Variants in P3H2 observed in about 807,000 individuals in gnomAD.
The protein encoded by P3H2 is prolyl 3-hydroxylase 2, also known as leprecan-like 1.
Under a neutral mutation model 87.0 loss-of-function variants are expected in P3H2, and 80 were observed. The ratio of observed to expected loss-of-function variants is 0.92; its 90% confidence interval spans 0.77 to 1.11. The LOEUF (loss-of-function observed/expected upper bound fraction) is 1.11, where lower values mean the gene tolerates loss of function less well. Among genes scored for constraint, P3H2 ranks in the 50% least tolerant of loss-of-function variants. The probability of loss-of-function intolerance (pLI) is 0.00; values close to 1 mark genes in which losing one functional copy is unlikely to be tolerated. For synonymous variants in P3H2, 367 were observed against 359.3 expected (o/e 1.02, Z -0.24); for missense variants, 1,001 against 923.9 (o/e 1.08, Z -1.08).
At chr3:190,104,458 A>G (rs920145210) in intron 1 of P3H2, among the ~76,000 whole-genome samples, 2 of 152,130 alleles carry the variant, frequency 1.3e-5, no homozygotes, top group Non-Finnish European at 2.9e-5. Flanking sequence ...GGGATTATTT[A>G]AATATTATTA....
chr3:190,031,286 G>A (rs183887188), intron 1 of P3H2, among the ~76,000 whole-genome samples: 11 of 152,094 alleles, frequency 7.2e-5, no homozygotes, highest in Admixed American at 7.2e-4. Flanking sequence ...AGAAAAATAA[G>A]ACCAAAATAA....
At chr3:190,091,762 T>C (rs1727415668) in intron 1 of P3H2, among the ~76,000 whole-genome samples, 1 of 152,220 alleles carries the variant, frequency 6.6e-6, no homozygotes, top group Non-Finnish European at 1.5e-5. Flanking sequence ...AGATGCCATA[T>C]TTGTTTCTTT....
chr3:190,103,778 C>T (rs1711725393), intron 1 of P3H2, among the ~76,000 whole-genome samples: 1 of 151,994 alleles, frequency 6.6e-6, no homozygotes, highest in South Asian at 2.1e-4. Flanking sequence ...TTTTATTCAA[C>T]ATTAGAAAAG....
chr3:190,010,272 G>C (rs544260488), intron 1 of P3H2, among the ~76,000 whole-genome samples: 1 of 152,164 alleles, frequency 6.6e-6, no homozygotes, highest in East Asian at 1.9e-4. Context: ...AATAATAGTT[G>C]CCACTATTAT....
chr3:189,983,994 T>C (rs1366449044), intron 7 of P3H2, among the ~76,000 whole-genome samples: 3 of 152,046 alleles, frequency 2.0e-5, no homozygotes, highest in Non-Finnish European at 4.4e-5. Flanking sequence ...AGTTAATGGG[T>C]GCAGCACACC....
chr3:189,971,975 G>T lies in P3H2; in HGVS notation c.1732C>A (p.Pro578Thr). 5 of 1,613,184 alleles carry T rather than the reference G, an allele frequency of 3.1e-6. No individual in the cohort carries two copies. Among genetic ancestry groups the T allele is most frequent in the Non-Finnish European group, 4.2e-6 (5 of 1,179,110 alleles). The change falls in exon 12 of 15, where the codon CCC (proline) becomes ACC (threonine). Residue 578 changes from proline to threonine, a missense_variant. By Grantham distance (38) the Pro-to-Thr change is conservative (BLOSUM62 -1). Transcript: ENST00000319332. ...QQDRRNDLSHPIHADNCLLDP... is the reference protein window; with the variant it reads ...QQDRRNDLSHTIHADNCLLDP... ...AACAAACAGTTGTCAGCATGGATGG[G>T]ATGACTGAGGTCATTTCTTCTATCC... is the stretch of plus-strand genomic sequence containing the variant.
At position 190,018,796 on chromosome 3, in the gene P3H2, TGTAA is replaced by T. The variant is rs1724847761; in HGVS notation, c.481-23358_481-23355del. ...GATATAGGCATAAGAGGGAATGAAC[TGTAA>T]GTGCTTGTTGATGTATTTATGTATG... is the stretch of plus-strand genomic sequence containing the variant. On this transcript the variant is annotated intron_variant, in intron 1 of 14. Transcript: ENST00000319332. Among the ~76,000 whole-genome samples the T allele has an allele frequency of 2.0e-5, 3 of 152,346 alleles. No individual in the cohort carries two copies. In the South Asian group the frequency reaches 6.2e-4, roughly 32 times the overall value.
chr3:189,997,625 A>G (rs1199612126), intron 1 of P3H2, among the ~76,000 whole-genome samples: 1 of 152,098 alleles, frequency 6.6e-6, no homozygotes, highest in Non-Finnish European at 1.5e-5. Context: ...CATAATAGTA[A>G]AGCTTTCCCT....
chr3:189,984,442 T>G, intron 7 of P3H2, 108 bp downstream of exon 7: 1 of 878,336 alleles, frequency 1.1e-6, no homozygotes, highest in Non-Finnish European at 1.9e-6. Flanking sequence ...TAGAATTATT[T>G]TATTATATCT....
chr3:190,066,573 C>T (rs745806287), intron 1 of P3H2, among the ~76,000 whole-genome samples: 8 of 151,980 alleles, frequency 5.3e-5, no homozygotes, highest in Non-Finnish European at 1.0e-4. Context: ...CAAAATCTCA[C>T]AAATCACCAC....
At chr3:190,080,273 C>T (rs932641462) in intron 1 of P3H2, among the ~76,000 whole-genome samples, 1 of 152,208 alleles carries the variant, frequency 6.6e-6, no homozygotes, top group African/African-American at 2.4e-5. Flanking sequence ...GGCACTGAGG[C>T]TACAGAGTAA....
chr3:190,015,773 C>T (rs147015296), intron 1 of P3H2, among the ~76,000 whole-genome samples: 4 of 152,318 alleles, frequency 2.6e-5, no homozygotes, highest in African/African-American at 9.6e-5. Context: ...TAAGGTTGAA[C>T]CAGTGCCCTT....
At chr3:190,033,024 A>T (rs936485950) in intron 1 of P3H2, among the ~76,000 whole-genome samples, 2 of 152,172 alleles carry the variant, frequency 1.3e-5, no homozygotes, top group East Asian at 3.9e-4. Context: ...TCTAGTGGTG[A>T]TGGGAGACAG....
chr3:189,990,841 A>C (rs1444742096), intron 3 of P3H2, among the ~76,000 whole-genome samples: 1 of 152,222 alleles, frequency 6.6e-6, no homozygotes, highest in African/African-American at 2.4e-5. Context: ...TGAGTCTTAA[A>C]AATTAAAGAA....
intron 4 of P3H2, 21 bp downstream of exon 4, chr3:189,988,886 C>T (rs1235171464): frequency 7.4e-6 from 12 of 1,613,792 alleles, no homozygotes; most frequent in Admixed American, 1.7e-5. Flanking sequence ...AAGAAGTCTT[C>T]ACGGATGATC....
chr3:190,011,496 T>C (rs935333666), intron 1 of P3H2, among the ~76,000 whole-genome samples: 2 of 152,216 alleles, frequency 1.3e-5, no homozygotes, highest in African/African-American at 2.4e-5. Context: ...ACTTATTTTA[T>C]TGGAAGTAAA....
At chr3:190,114,037 G>A (rs1577330604) in intron 1 of P3H2, among the ~76,000 whole-genome samples, 1 of 117,970 alleles carries the variant, frequency 8.5e-6, no homozygotes. Context: ...CCGAGATGTC[G>A]CCACCACACT....
chr3:189,990,063 C>CT (rs201391038), intron 3 of P3H2, among the ~76,000 whole-genome samples: 3 of 137,288 alleles, frequency 2.2e-5, no homozygotes, highest in Non-Finnish European at 4.9e-5. Flanking sequence ...CCACAACTGC[C>CT]TTTTTTTCAA....
At chr3:190,069,945 G>C (rs1015523989) in intron 1 of P3H2, among the ~76,000 whole-genome samples, 10 of 151,688 alleles carry the variant, frequency 6.6e-5, no homozygotes, top group African/African-American at 2.2e-4. Flanking sequence ...AGCAAGTGTA[G>C]ACAAGTTTTT....
Sources: allele counts gnomAD v4.1 joint callset (sites outside exome capture counted in the v4.1 genomes callset), GRCh38; gene constraint gnomAD v4.1.1; transcripts MANE v1.5; gene names NCBI Gene and HGNC (gene_info 2026-07-23, HGNC 2026-07-21).